The following VWDE variants were observed in gnomAD, a reference collection of about 807,000 sequenced individuals.
VWDE encodes von Willebrand factor D and EGF domains.
A neutral mutation model predicts 178.4 loss-of-function variants in VWDE; 207 were observed. That is an observed-to-expected ratio of 1.16 (90% CI 1.04 to 1.30). The LOEUF (loss-of-function observed/expected upper bound fraction) is 1.30, where lower values mean the gene tolerates loss of function less well. VWDE is among the 50% of genes most tolerant of loss of function. The pLI is 0.00. For synonymous variants in VWDE, 738 were observed against 651.4 expected, an observed-to-expected ratio of 1.13 and a Z score of -2.02; for missense variants, 2,287 against 1,901.3, an observed-to-expected ratio of 1.20 and a Z score of -3.77.
intron 19 of VWDE, among the ~76,000 whole-genome samples, chr7:12,349,153 C>T (rs571726150): frequency 6.6e-6 from 1 of 151,886 alleles, no homozygotes; most frequent in Middle Eastern, 3.4e-3. Context: ...GTGCAGCGCA[C>T]CAGCATGGCA....
At chr7:12,343,287 A>C (rs1163881330) in intron 21 of VWDE, 109 bp from the exon 22 acceptor site, 4 of 694,416 alleles carry the variant, frequency 5.8e-6, no homozygotes, top group East Asian at 3.0e-5. Context: ...AATTTATAAT[A>C]CATTAAGCTC....
intron 3 of VWDE, 112 bp downstream of exon 3, chr7:12,389,015 G>A (rs1443020961): frequency 1.2e-6 from 1 of 834,990 alleles, no homozygotes; most frequent in African/African-American, 1.7e-5. Context: ...AATAATGGTA[G>A]ACTGAGTATC....
chr7:12,379,439 A>G (rs1032386700), intron 6 of VWDE, 38 bp downstream of exon 6: 30 of 1,419,570 alleles, frequency 2.1e-5, no homozygotes, highest in Non-Finnish European at 2.8e-5. Context: ...ATAGTTCCAG[A>G]GGAATAATCT....
chr7:12,397,642 G>A (rs1784691573), intron 1 of VWDE, among the ~76,000 whole-genome samples: 1 of 151,950 alleles, frequency 6.6e-6, no homozygotes, highest in African/African-American at 2.4e-5. Context: ...CTACAGAATG[G>A]GAGAAAATAT....
rs1350014379 is a variant in VWDE, at chr7:12,336,002, T to C, written c.4654+139A>G. 6 of 690,792 alleles carry C rather than the reference T, an allele frequency of 8.7e-6. No homozygotes were observed. The East Asian group carries it at 1.2e-4, about 14-fold the overall frequency. The allele number at this position is 690,792 out of a possible 1,614,324, so 42.8% of individuals were successfully genotyped here. A position where few individuals can be genotyped will look rare whatever the true frequency, so the allele number is the denominator to read the frequency against. ...TAAAATTTAGGAAGTTTTTGTTTTA[T>C]ATCTAAAATCATTTTTTAAAAAGGA... On this transcript the variant is annotated intron_variant, in intron 27 of 28. Coordinates refer to ENST00000275358, the MANE Select transcript of VWDE (RefSeq NM_001135924.3).
intron 13 of VWDE, among the ~76,000 whole-genome samples, chr7:12,362,340 A>G (rs1180997833): frequency 2.0e-5 from 3 of 152,036 alleles, no homozygotes; most frequent in African/African-American, 7.2e-5. Context: ...TTGATTCTCT[A>G]AGAAATATAC....
At position 12,373,117 on chromosome 7, in the gene VWDE, C is replaced by T. The variant is rs1202255549; in HGVS notation, c.1447G>A (p.Ala483Thr). 1.9e-6 allele frequency: 3 copies of T among 1,551,198 alleles called. No individual in the cohort carries two copies. Among genetic ancestry groups the T allele is most frequent in the African/African-American group, 1.4e-5 (1 of 72,992 alleles). ...GTAACTATATCACCTCCTTCCTGGG[C>T]AACAAACCCACAATTACATGACACT... The part of the protein sequence containing the change: ...YPVSCNCGFV[A>T]QEGGDIVTFD... Residue 483 changes from alanine (A) to threonine (T), a missense_variant, in exon 10 of 29, where the codon GCC becomes ACC. By Grantham distance (58) the Ala-to-Thr change is moderately conservative. Transcript: ENST00000275358.
chr7:12,377,823 A>C lies in VWDE; in HGVS notation c.977T>G (p.Leu326Arg). 2 of 1,530,634 alleles carry C rather than the reference A, an allele frequency of 1.3e-6. No homozygotes were observed. Among genetic ancestry groups the C allele is most frequent in the Non-Finnish European group, 1.8e-6 (2 of 1,136,008 alleles). 94.8% of individuals were successfully genotyped at this position (1,530,634 alleles called of 1,614,324 possible). Residue 326 changes from leucine (L) to arginine (R), a missense_variant, in exon 7 of 29, where the codon CTT becomes CGT. By Grantham distance (102) the Leu-to-Arg change is moderately radical. Transcript: ENST00000275358. ...VPIICSEFSE[L>R]DQECKISLKL... is the part of the protein sequence containing the mutation. ...TAATGAGATTTTGCATTCTTGATCA[A>C]GCTCACTAAATTCAGAACAAATAAT...
chr7:12,368,341 T>C (rs1050284477), intron 12 of VWDE, among the ~76,000 whole-genome samples: 12 of 151,758 alleles, frequency 7.9e-5, no homozygotes, highest in Non-Finnish European at 4.4e-5. Flanking sequence ...GACCATGGAA[T>C]TGTGTAAGAA....
chr7:12,377,644 T>C (rs996706572), intron 7 of VWDE, 132 bp downstream of exon 7: 7 of 485,474 alleles, frequency 1.4e-5, no homozygotes, highest in African/African-American at 1.4e-4. Flanking sequence ...AGTAATATGA[T>C]TGGGCTAAAA....
At position 12,361,143 on chromosome 7, in the gene VWDE, A is replaced by T. The variant is rs749689469; in HGVS notation, c.3159+4T>A. On this transcript the variant is annotated splice_donor_region_variant and intron_variant, in intron 15 of 28. Transcript: ENST00000275358. Reference sequence around the variant, plus strand: ...ATGTGAAAATACATGAAAAAAATACATACCTTTATAGTACATGAGTCATTT... The same window carrying T: ...ATGTGAAAATACATGAAAAAAATACTTACCTTTATAGTACATGAGTCATTT... 1 of 1,481,602 alleles carries T rather than the reference A, an allele frequency of 6.7e-7. No homozygotes were observed. Among genetic ancestry groups the T allele is most frequent in the Non-Finnish European group, 9.2e-7 (1 of 1,091,358 alleles). The allele number at this position is 1,481,602 out of a possible 1,614,324, so 91.8% of individuals were successfully genotyped here. A position where few individuals can be genotyped will look rare whatever the true frequency, so the allele number is the denominator to read the frequency against.
intron 24 of VWDE, among the ~76,000 whole-genome samples, chr7:12,338,339 A>G (rs1334176682): frequency 6.6e-6 from 1 of 151,818 alleles, no homozygotes; most frequent in African/African-American, 2.4e-5. Context: ...TTGGTAGAGA[A>G]ATGTTCTTAC....
intron 1 of VWDE, among the ~76,000 whole-genome samples, chr7:12,394,812 G>A (rs1406392614): frequency 2.0e-5 from 3 of 151,920 alleles, no homozygotes; most frequent in Admixed American, 1.3e-4. Flanking sequence ...ATACCTCATC[G>A]TGGAAAAACC....
At chr7:12,347,260 T>C (rs991206590) in intron 19 of VWDE, among the ~76,000 whole-genome samples, 4 of 152,128 alleles carry the variant, frequency 2.6e-5, no homozygotes, top group African/African-American at 7.2e-5. Context: ...AGAGTTTTTA[T>C]TGTCAGAATT....
At chr7:12,351,335 C>G (rs17671056) in intron 19 of VWDE, among the ~76,000 whole-genome samples, 17,231 of 152,086 alleles carry the variant, frequency 0.11, 1,333 homozygotes, top group Non-Finnish European at 0.16. Flanking sequence ...ATAAGCTTCT[C>G]CGAAATCACT....
chr7:12,389,997 T>A (rs1284366138), intron 2 of VWDE, among the ~76,000 whole-genome samples: 2 of 152,034 alleles, frequency 1.3e-5, no homozygotes, highest in Non-Finnish European at 2.9e-5. Context: ...ACCCTGTCTC[T>A]ACCAAAAACA....
intron 1 of VWDE, among the ~76,000 whole-genome samples, chr7:12,400,961 A>G (rs571130911): frequency 3.8e-4 from 58 of 152,284 alleles, no homozygotes; most frequent in African/African-American, 1.4e-3. Flanking sequence ...GCTGAAATCC[A>G]CATGTTCATC....
At position 12,337,039 on chromosome 7, in the gene VWDE, G is replaced by T; in HGVS notation, c.4507C>A (p.Pro1503Thr). 1 of 1,551,496 alleles carries T rather than the reference G, an allele frequency of 6.4e-7. No individual in the cohort carries two copies. Among genetic ancestry groups the T allele is most frequent in the South Asian group, 1.2e-5 (1 of 84,046 alleles). The change falls in exon 26 of 29, where the codon CCA becomes ACA. Residue 1503 changes from proline (P) to threonine (T), a missense_variant. Pro to Thr is a conservative substitution (Grantham distance 38, BLOSUM62 -1). Coordinates refer to ENST00000275358, the MANE Select transcript of VWDE (RefSeq NM_001135924.3). ...TCMNGGKCVG[P>T]STCSCPSGWS... ...CCAGAAGGACAAGAGCAAGTGCTTG[G>T]TCCCACACATTTTCCTCCATTCATG...
At position 12,389,021 on chromosome 7, in the gene VWDE, G is replaced by C. The variant is rs181825676; in HGVS notation, c.475+106C>G. On this transcript the variant is annotated intron_variant, in intron 3 of 28. Transcript: ENST00000275358. ...CAATCTAGCAATAATGGTAGACTGA[G>C]TATCTTACTGAGATTTGCACTAACT... is the stretch of plus-strand genomic sequence containing the variant. 2.0e-4 allele frequency: 170 copies of C among 847,392 alleles called. No homozygotes were observed. In the African/African-American group the frequency reaches 2.6e-3, roughly 13 times the overall value. 52.5% of individuals were successfully genotyped at this position (847,392 alleles called of 1,614,324 possible).
Sources: allele counts gnomAD v4.1 joint callset (sites outside exome capture counted in the v4.1 genomes callset), GRCh38; gene constraint gnomAD v4.1.1; transcripts MANE v1.5; gene names NCBI Gene and HGNC (gene_info 2026-07-23, HGNC 2026-07-21).